The following TSHR variants were observed in gnomAD, a reference collection of about 807,000 sequenced individuals.
TSHR encodes the protein thyroid stimulating hormone receptor, also known as thyrotropin receptor.
Under a neutral mutation model 64.1 loss-of-function variants are expected in TSHR, and 51 were observed. The observed-to-expected ratio is 0.80, with a 90% CI of 0.64 to 1.01. The LOEUF is 1.01. Ranked by LOEUF, TSHR falls within the 50% of genes least tolerant of loss-of-function variation. TSHR has a pLI of 0.00. For synonymous variants in TSHR, 361 were observed against 361.9 expected, an observed-to-expected ratio of 1.00 and a Z score of 0.03; for missense variants, 877 against 942.8, an observed-to-expected ratio of 0.93 and a Z score of 0.91.
At chr14:81,028,489 A>G (rs1594971444) in intron 1 of TSHR, among the ~76,000 whole-genome samples, 2 of 152,210 alleles carry the variant, frequency 1.3e-5, no homozygotes, top group Non-Finnish European at 2.9e-5. Flanking sequence ...TAAACCCCCT[A>G]CATTGAGTTG....
chr14:81,105,522 G>A (rs932294104), intron 7 of TSHR, among the ~76,000 whole-genome samples: 3 of 152,124 alleles, frequency 2.0e-5, no homozygotes, highest in Non-Finnish European at 2.9e-5. Flanking sequence ...GTTCATCTCC[G>A]TTCATCTTGG....
At chr14:81,044,407 C>A (rs1885067689) in intron 1 of TSHR, among the ~76,000 whole-genome samples, 1 of 152,088 alleles carries the variant, frequency 6.6e-6, no homozygotes. Flanking sequence ...GCCTGTAATC[C>A]CAAAACTTTG....
chr14:81,035,764 T>C (rs964479329), intron 1 of TSHR, among the ~76,000 whole-genome samples: 2 of 152,210 alleles, frequency 1.3e-5, no homozygotes, highest in African/African-American at 2.4e-5. Context: ...TTGTACACTT[T>C]ACCCCTTACA....
intron 3 of TSHR, among the ~76,000 whole-genome samples, chr14:81,083,673 C>T (rs147936054): frequency 9.5e-4 from 144 of 152,148 alleles, no homozygotes; most frequent in African/African-American, 3.1e-3. Flanking sequence ...CACCCTCCCT[C>T]AGGTGAAAAA....
chr14:81,066,409 T>C (rs1024549990), intron 2 of TSHR, among the ~76,000 whole-genome samples: 3 of 152,186 alleles, frequency 2.0e-5, no homozygotes, highest in African/African-American at 7.2e-5. Flanking sequence ...GTTAGAAATA[T>C]ATTTGTATCA....
chr14:81,020,888 T>C (rs538259542), intron 1 of TSHR, among the ~76,000 whole-genome samples: 1 of 152,006 alleles, frequency 6.6e-6, no homozygotes, highest in Non-Finnish European at 1.5e-5. Context: ...ATTTCCAACA[T>C]CCTATCTTTG....
intron 1 of TSHR, among the ~76,000 whole-genome samples, chr14:81,044,043 A>G (rs555427092): frequency 6.6e-6 from 1 of 152,232 alleles, no homozygotes; most frequent in South Asian, 2.1e-4. Flanking sequence ...TTTCATGATA[A>G]AAACACCGAA....
chr14:81,084,718 CA>C (rs1412773486), intron 3 of TSHR, among the ~76,000 whole-genome samples: 8 of 152,152 alleles, frequency 5.3e-5, no homozygotes, highest in African/African-American at 1.9e-4. Flanking sequence ...TTCTTTCTTC[CA>C]ATGTCTCCAG....
chr14:81,071,371 G>T (rs143767721), intron 3 of TSHR, among the ~76,000 whole-genome samples: 1 of 152,068 alleles, frequency 6.6e-6, no homozygotes, highest in Non-Finnish European at 1.5e-5. Context: ...CTGGCAAATT[G>T]TCATACTTCT....
chr14:80,968,533 G>A (rs1253239502), intron 1 of TSHR, among the ~76,000 whole-genome samples: 12 of 152,134 alleles, frequency 7.9e-5, no homozygotes, highest in Non-Finnish European at 1.5e-4. Context: ...GCCATTGATA[G>A]TCCTTATCTC....
At chr14:81,035,351 A>G (rs1202388515) in intron 1 of TSHR, among the ~76,000 whole-genome samples, 1 of 152,176 alleles carries the variant, frequency 6.6e-6, no homozygotes, top group South Asian at 2.1e-4. Flanking sequence ...CTGTGACTCT[A>G]CTGACCTCAG....
intron 1 of TSHR, among the ~76,000 whole-genome samples, chr14:80,968,855 C>T (rs179249): frequency 0.6 from 91,216 of 151,946 alleles, 28,332 homozygotes; most frequent in East Asian, 0.8. Context: ...CTTTATTTAC[C>T]TATTTGTCCT....
At chr14:81,142,879 G>A in intron 9 of TSHR, 61 bp from the exon 10 acceptor site, 1 of 1,502,166 alleles carries the variant, frequency 6.7e-7, no homozygotes, top group South Asian at 1.1e-5. Context: ...CAAAGTGCTG[G>A]GATTACAGTC....
intron 1 of TSHR, among the ~76,000 whole-genome samples, chr14:81,061,798 A>C (rs1411978163): frequency 6.6e-6 from 1 of 152,138 alleles, no homozygotes; most frequent in Non-Finnish European, 1.5e-5. Context: ...ATTAAAAGGT[A>C]AAATAATCAT....
chr14:81,093,798 C>G (rs1242073489), intron 6 of TSHR: 2 of 152,172 alleles, frequency 1.3e-5, no homozygotes, highest in African/African-American at 4.8e-5. Flanking sequence ...GCAGAAAAGG[C>G]CCAGGCTCTT....
At chr14:80,975,724 G>T (rs1887833119) in intron 1 of TSHR, among the ~76,000 whole-genome samples, 1 of 152,128 alleles carries the variant, frequency 6.6e-6, no homozygotes, top group Non-Finnish European at 1.5e-5. Context: ...TTCCTAAGTT[G>T]AATGCTCAGT....
intron 3 of TSHR, among the ~76,000 whole-genome samples, chr14:81,072,213 GAC>G (rs1887122555): frequency 6.6e-6 from 1 of 152,166 alleles, no homozygotes; most frequent in Non-Finnish European, 1.5e-5. Flanking sequence ...ATGTGTTGAG[GAC>G]AGTTATTATT....
At chr14:80,956,068 A>G (rs60983251) in intron 1 of TSHR, 12,531 of 622,536 alleles carry the variant, frequency 0.02, 1,068 homozygotes, top group African/African-American at 0.2. Flanking sequence ...TTCCCAACAC[A>G]GGAAAATGTT....
rs1248262737 is a variant in TSHR at position 81,115,116 on chromosome 14, A to T, written c.692+6664A>T. The stretch of plus-strand genomic sequence containing the variant: ...AGAAAAACTGGAAACTCTAAAAAGC[A>T]GAGTGCCTCTCCTCCTCCAAAGGAA... On this transcript the variant is annotated intron_variant, in intron 8 of 9. Coordinates refer to ENST00000298171, the MANE Select transcript of TSHR (RefSeq NM_000369.5). Among the ~76,000 whole-genome samples, 13 of 152,284 alleles carry T rather than the reference A, an allele frequency of 8.5e-5. No individual in the cohort carries two copies. In the East Asian group the frequency reaches 2.3e-3, roughly 27 times the overall value.
Sources: allele counts gnomAD v4.1 joint callset (sites outside exome capture counted in the v4.1 genomes callset), GRCh38; gene constraint gnomAD v4.1.1; transcripts MANE v1.5; gene names NCBI Gene and HGNC (gene_info 2026-07-23, HGNC 2026-07-21).